ALPK2: variants seen among roughly 807,000 people sequenced by gnomAD.
ALPK2 encodes the protein alpha-protein kinase 2.
In ALPK2, 127 loss-of-function variants were observed where a neutral mutation model predicts 163.1. That is an observed-to-expected ratio of 0.78 (90% CI 0.67 to 0.90). The LOEUF (loss-of-function observed/expected upper bound fraction) is 0.90. Among genes scored for constraint, ALPK2 ranks in the 40% least tolerant of loss-of-function variants. The pLI is 0.00. For synonymous variants in ALPK2, 953 were observed against 959.1 expected (o/e 0.99, Z 0.12); for missense variants, 2,360 against 2,589.6 (o/e 0.91, Z 1.92).
At chr18:58,546,301 CAT>C (rs2051717189) in intron 4 of ALPK2, among the ~76,000 whole-genome samples, 1 of 152,130 alleles carries the variant, frequency 6.6e-6, no homozygotes, top group South Asian at 2.1e-4. Flanking sequence ...TCTTGAGAGT[CAT>C]AGAGTTTGTA....
chr18:58,548,855 C>A (rs2051734178), intron 4 of ALPK2, among the ~76,000 whole-genome samples: 1 of 152,086 alleles, frequency 6.6e-6, no homozygotes, highest in African/African-American at 2.4e-5. Context: ...GAACATCTAT[C>A]CAGTCTGATC....
intron 4 of ALPK2, among the ~76,000 whole-genome samples, chr18:58,569,868 T>C (rs1047841642): frequency 7.9e-5 from 12 of 151,076 alleles, no homozygotes; most frequent in East Asian, 3.9e-4. Flanking sequence ...CGGTGGCTCA[T>C]GCCTGTAATC....
intron 4 of ALPK2, among the ~76,000 whole-genome samples, chr18:58,548,416 G>T (rs1416082112): frequency 6.6e-6 from 1 of 151,876 alleles, no homozygotes; most frequent in Admixed American, 6.6e-5. Context: ...TGCCATCCAG[G>T]TTCAAGTGAT....
At chr18:58,626,640 C>T (rs1489733322) in intron 1 of ALPK2, among the ~76,000 whole-genome samples, 1 of 152,124 alleles carries the variant, frequency 6.6e-6, no homozygotes, top group Non-Finnish European at 1.5e-5. Context: ...TAAATCTCTA[C>T]TTCTGCTTTT....
chr18:58,514,147 G>T (rs2051508868), intron 10 of ALPK2, among the ~76,000 whole-genome samples: 1 of 152,190 alleles, frequency 6.6e-6, no homozygotes, highest in Admixed American at 6.5e-5. Flanking sequence ...AATTGTAAGT[G>T]GGTACTGAAG....
intron 5 of ALPK2, among the ~76,000 whole-genome samples, chr18:58,532,045 CTT>C (rs2051618723): frequency 6.7e-6 from 1 of 149,934 alleles, no homozygotes. Context: ...TTTCCTGTCT[CTT>C]GTCATCATCT....
chr18:58,533,740 G>A (rs138770657), intron 5 of ALPK2, among the ~76,000 whole-genome samples: 6 of 152,244 alleles, frequency 3.9e-5, no homozygotes, highest in African/African-American at 1.4e-4. Flanking sequence ...ACAGGTGTGA[G>A]CCACAATGCC....
At chr18:58,539,162 T>TAATG (rs2051676282) in intron 4 of ALPK2, among the ~76,000 whole-genome samples, 1 of 152,214 alleles carries the variant, frequency 6.6e-6, no homozygotes, top group Non-Finnish European at 1.5e-5. Flanking sequence ...AACCCACCTC[T>TAATG]AATGAATAAA....
chr18:58,484,941 A>G (rs1039685017), intron 12 of ALPK2, among the ~76,000 whole-genome samples: 3 of 152,186 alleles, frequency 2.0e-5, no homozygotes, highest in African/African-American at 7.2e-5. Context: ...TGAAGCTGAG[A>G]GTCAAAGCTG....
intron 4 of ALPK2, among the ~76,000 whole-genome samples, chr18:58,550,883 A>ACAACCCCATCCCCACCTCCATCACATG (rs2051755712): frequency 7.3e-5 from 11 of 150,322 alleles, no homozygotes; most frequent in Non-Finnish European, 1.6e-4. Context: ...TCCATCACAT[A>ACAACCCCATCCCCACCTCCATCACATG]CAACCCCATC....
rs764527535 is a variant in ALPK2 at position 58,516,915 on chromosome 18, G to A, written c.5933C>T (p.Ala1978Val). 4.1e-5 allele frequency: 66 copies of A among 1,612,876 alleles called. No homozygotes were observed. In the Middle Eastern group the frequency reaches 1.0e-3, roughly 24 times the overall value. ...DELIQRNYKL[A>V]AQECYVQNTA... ...TTGGGCAGATGGACCCACCTGGGCA[G>A]CGAGTTTGTAGTTCCTTTGGATGAG... Residue 1978 changes from alanine (A) to valine (V), a missense_variant, in exon 9 of 13, where the codon GCT (alanine) becomes GTT (valine). Physicochemically the swap from Ala to Val is moderately conservative, Grantham distance 64. Coordinates refer to ENST00000361673, the MANE Select transcript of ALPK2 (RefSeq NM_052947.4).
chr18:58,552,478 A>G (rs1436831399), intron 4 of ALPK2, among the ~76,000 whole-genome samples: 1 of 152,262 alleles, frequency 6.6e-6, no homozygotes, highest in Non-Finnish European at 1.5e-5. Flanking sequence ...AACTTGCTAC[A>G]GTAGAAATAA....
intron 2 of ALPK2, among the ~76,000 whole-genome samples, chr18:58,607,689 G>C (rs906728437): frequency 6.6e-6 from 1 of 152,268 alleles, no homozygotes; most frequent in African/African-American, 2.4e-5. Flanking sequence ...AATGAAAAAT[G>C]CTACCCCTAA....
intron 4 of ALPK2, among the ~76,000 whole-genome samples, chr18:58,553,869 T>G (rs1189279944): frequency 1.5e-5 from 2 of 132,254 alleles, no homozygotes; most frequent in Non-Finnish European, 3.2e-5. Flanking sequence ...TTTTTTTTTT[T>G]TTTTTTTTTT....
intron 11 of ALPK2, among the ~76,000 whole-genome samples, chr18:58,499,222 T>C (rs953643747): frequency 6.6e-6 from 1 of 152,182 alleles, no homozygotes; most frequent in Non-Finnish European, 1.5e-5. Context: ...CCACTCTGGT[T>C]CAGCAAAAAG....
At chr18:58,527,955 C>A (rs2051592451) in intron 6 of ALPK2, among the ~76,000 whole-genome samples, 2 of 152,180 alleles carry the variant, frequency 1.3e-5, no homozygotes, top group Non-Finnish European at 2.9e-5. Flanking sequence ...GATTTTCTCA[C>A]TTTTTCAGTC....
intron 4 of ALPK2, among the ~76,000 whole-genome samples, chr18:58,549,076 G>A (rs2051735713): frequency 6.6e-6 from 1 of 152,186 alleles, no homozygotes; most frequent in African/African-American, 2.4e-5. Context: ...GTTTGTTGGG[G>A]TCTTTTTTAG....
At chr18:58,553,488 G>A (rs529461207) in intron 4 of ALPK2, among the ~76,000 whole-genome samples, 4 of 152,108 alleles carry the variant, frequency 2.6e-5, no homozygotes, top group Non-Finnish European at 4.4e-5. Context: ...CTTAATAAAT[G>A]TTGATATGTT....
chr18:58,611,269 C>T (rs1025064806), intron 2 of ALPK2, among the ~76,000 whole-genome samples: 2 of 88,084 alleles, frequency 2.3e-5, no homozygotes, highest in African/African-American at 1.0e-4. Context: ...CAGAGAAAGA[C>T]TCCATCTCAA....
Sources: allele counts gnomAD v4.1 joint callset (sites outside exome capture counted in the v4.1 genomes callset), GRCh38; gene constraint gnomAD v4.1.1; transcripts MANE v1.5; gene names NCBI Gene and HGNC (gene_info 2026-07-23, HGNC 2026-07-21).